TANGO6: variants seen among roughly 807,000 people sequenced by gnomAD.
The protein encoded by TANGO6 is transport and Golgi organization protein 6 homolog.
In TANGO6, 90 loss-of-function variants were observed where a neutral mutation model predicts 114.2. That is an observed-to-expected ratio of 0.79 (90% CI 0.66 to 0.94). The LOEUF is 0.94. Among genes scored for constraint, TANGO6 ranks in the 40% least tolerant of loss-of-function variants. The pLI is 0.00. For synonymous variants in TANGO6, 477 were observed against 509.8 expected, an observed-to-expected ratio of 0.94 and a Z score of 0.87; for missense variants, 1,274 against 1,315.3, an observed-to-expected ratio of 0.97 and a Z score of 0.49.
intron 14 of TANGO6, among the ~76,000 whole-genome samples, chr16:68,962,497 T>C (rs1963602684): frequency 6.6e-6 from 1 of 152,214 alleles, no homozygotes; most frequent in Non-Finnish European, 1.5e-5. Context: ...CTTATTTTTA[T>C]TGATTACTTT....
At chr16:69,062,448 T>C (rs1960135754) in intron 17 of TANGO6, among the ~76,000 whole-genome samples, 1 of 152,042 alleles carries the variant, frequency 6.6e-6, no homozygotes, top group African/African-American at 2.4e-5. Context: ...CTGGGGAGCA[T>C]AAAAGGAAAT....
rs112594155 is a variant in TANGO6 at position 68,861,369 on chromosome 16, G to A, written c.735+845G>A. On this transcript the variant is annotated intron_variant, in intron 2 of 17. Coordinates refer to ENST00000261778, the MANE Select transcript of TANGO6 (RefSeq NM_024562.2). ...GTCACCCGCCTGTGTCATCGTTGTC[G>A]TTGTTCCTTTTCTCTTCTCTCTCCT... Among the ~76,000 whole-genome samples the A allele has an allele frequency of 6.9e-3, 1,047 of 152,288 alleles. 15 individuals carry two copies. Among genetic ancestry groups the A allele is most frequent in the African/African-American group, 0.024 (988 of 41,552 alleles).
At chr16:68,928,390 C>T (rs527909516) in intron 13 of TANGO6, among the ~76,000 whole-genome samples, 2 of 149,338 alleles carry the variant, frequency 1.3e-5, no homozygotes, top group South Asian at 2.1e-4. Flanking sequence ...CTGCAAGCTC[C>T]GCCTTCTGGG....
chr16:68,921,066 C>T (rs536494046), intron 12 of TANGO6, among the ~76,000 whole-genome samples: 11 of 145,498 alleles, frequency 7.6e-5, no homozygotes, highest in African/African-American at 2.6e-4. Context: ...TTGCAGTGAG[C>T]CGAGATCGCG....
At chr16:68,955,584 G>T (rs968960020) in intron 14 of TANGO6, among the ~76,000 whole-genome samples, 1 of 152,130 alleles carries the variant, frequency 6.6e-6, no homozygotes, top group East Asian at 1.9e-4. Flanking sequence ...AAAATTGTAC[G>T]TGAAAATGTG....
At chr16:68,900,568 A>G (rs749678510) in intron 8 of TANGO6, 22 bp downstream of exon 8, 1 of 1,539,668 alleles carries the variant, frequency 6.5e-7, no homozygotes, top group South Asian at 1.2e-5. Context: ...AGGGACCCTT[A>G]TTTGTTTATA....
At chr16:68,946,086 G>T (rs2152203607) in intron 14 of TANGO6, among the ~76,000 whole-genome samples, 1 of 152,110 alleles carries the variant, frequency 6.6e-6, no homozygotes, top group South Asian at 2.1e-4. Flanking sequence ...ATGATTTGCA[G>T]ATATTTTCTG....
chr16:68,851,186 G>T (rs181221962), intron 1 of TANGO6, among the ~76,000 whole-genome samples: 1 of 151,976 alleles, frequency 6.6e-6, no homozygotes, highest in East Asian at 1.9e-4. Context: ...TTGAGATGGA[G>T]TCTCGCTCTG....
intron 1 of TANGO6, among the ~76,000 whole-genome samples, chr16:68,849,326 C>G (rs773698905): frequency 7.9e-5 from 12 of 151,646 alleles, no homozygotes; most frequent in Non-Finnish European, 1.5e-4. Context: ...AAAGTGAGAC[C>G]CTGTCCCAAA....
intron 17 of TANGO6, among the ~76,000 whole-genome samples, chr16:69,068,411 A>G (rs1336520697): frequency 1.3e-5 from 2 of 152,174 alleles, no homozygotes; most frequent in African/African-American, 2.4e-5. Context: ...GGATCTACCC[A>G]TTACTAGCTG....
In TANGO6 at chr16:69,043,907, C is replaced by T. The variant is rs189845302; in HGVS notation, c.3108+3486C>T. 2.9e-3 allele frequency among the ~76,000 whole-genome samples: 438 copies of T among 152,242 alleles called. 3 individuals carry two copies. Among genetic ancestry groups the T allele is most frequent in the Middle Eastern group, 0.02 (6 of 294 alleles). On this transcript the variant is annotated intron_variant, in intron 17 of 17. Transcript: ENST00000261778. ...CAGCCAAGGGCCTCTGTGGTTGTGG[C>T]AGCTGGAAAAGGAGGTAGGGGTTCA...
intron 4 of TANGO6, among the ~76,000 whole-genome samples, chr16:68,873,644 T>A (rs950925385): frequency 1.3e-5 from 2 of 152,196 alleles, no homozygotes; most frequent in African/African-American, 4.8e-5. Flanking sequence ...TATGAATGAA[T>A]CAGTCCTCCA....
chr16:68,887,650 G>A (rs985667302), intron 7 of TANGO6, among the ~76,000 whole-genome samples: 1 of 152,170 alleles, frequency 6.6e-6, no homozygotes, highest in African/African-American at 2.4e-5. Context: ...GCCAAGGCGG[G>A]CAAATCACTT....
rs568214186 is a variant in TANGO6, at chr16:68,961,269, G to A, written c.2702-12759G>A. Among the ~76,000 whole-genome samples the A allele has an allele frequency of 5.9e-5, 9 of 152,304 alleles. No homozygotes were observed. In the East Asian group the frequency reaches 1.3e-3, roughly 23 times the overall value. ...GGATTTGCAAAGCTAGTATGATTCC[G>A]GTAGTTATTTTCTCCGAGGCACTGC... On this transcript the variant is annotated intron_variant, in intron 14 of 17. Transcript: ENST00000261778.
chr16:68,944,630 C>G (rs2152203074), intron 14 of TANGO6, among the ~76,000 whole-genome samples: 1 of 152,274 alleles, frequency 6.6e-6, no homozygotes, highest in East Asian at 1.9e-4. Flanking sequence ...GAACACCTAG[C>G]TGACTCGTGG....
intron 14 of TANGO6, among the ~76,000 whole-genome samples, chr16:68,969,139 A>T (rs1226599359): frequency 6.6e-6 from 1 of 152,116 alleles, no homozygotes; most frequent in Non-Finnish European, 1.5e-5. Flanking sequence ...CTACGGTCAG[A>T]GCAGAAAGAG....
At chr16:69,069,348 G>C (rs1000455461) in intron 17 of TANGO6, among the ~76,000 whole-genome samples, 11 of 152,194 alleles carry the variant, frequency 7.2e-5, no homozygotes, top group Non-Finnish European at 1.5e-4. Flanking sequence ...TCTCTGCCCC[G>C]TAATAGTCTC....
At chr16:68,882,236 C>T (rs1962471709) in intron 7 of TANGO6, among the ~76,000 whole-genome samples, 1 of 152,050 alleles carries the variant, frequency 6.6e-6, no homozygotes, top group Non-Finnish European at 1.5e-5. Flanking sequence ...GTGGCTCACA[C>T]CTGTAATCCC....
chr16:69,012,381 AC>A (rs1964149845), intron 15 of TANGO6, among the ~76,000 whole-genome samples: 1 of 151,728 alleles, frequency 6.6e-6, no homozygotes, highest in African/African-American at 2.4e-5. Flanking sequence ...ACGTGGAGAA[AC>A]CCCATCTCTA....
Sources: gnomAD v4.1 joint callset for allele counts (sites outside exome capture counted in the v4.1 genomes callset) on GRCh38, gnomAD v4.1.1 for gene constraint, MANE v1.5 for transcripts, NCBI Gene and HGNC (gene_info 2026-07-23, HGNC 2026-07-21) for gene names.